MIA2: variants seen among roughly 807,000 people sequenced by gnomAD.
MIA2 encodes MIA SH3 domain ER export factor 2, also known as melanoma inhibitory activity protein 2.
MIA2 carries 127 observed loss-of-function variants against 167.8 expected under a neutral mutation model. The ratio of observed to expected loss-of-function variants is 0.76; its 90% CI spans 0.66 to 0.88. MIA2 has a LOEUF of 0.88. Ranked by LOEUF, MIA2 falls within the 40% of genes least tolerant of loss-of-function variation. The pLI is 0.00. For synonymous variants in MIA2, 552 were observed against 541.9 expected (o/e 1.02, Z -0.26); for missense variants, 1,690 against 1,624.7 (o/e 1.04, Z -0.69).
intron 23 of MIA2, among the ~76,000 whole-genome samples, chr14:39,377,102 G>A (rs2075059742): frequency 1.3e-5 from 2 of 152,032 alleles, no homozygotes; most frequent in African/African-American, 4.8e-5. Context: ...TGACTCTCTG[G>A]TCTTGGGTTT....
chr14:39,375,512 A>G (rs1447324860), intron 23 of MIA2, among the ~76,000 whole-genome samples: 1 of 152,196 alleles, frequency 6.6e-6, no homozygotes, highest in Non-Finnish European at 1.5e-5. Context: ...CCTGGCCAAC[A>G]TGGCGAAACC....
At position 39,318,031 on chromosome 14, in the gene MIA2, C is replaced by T; in HGVS notation, c.3284+20C>T. The T allele has an allele frequency of 6.6e-7, 1 of 1,515,322 alleles. No individual in the cohort carries two copies. The highest frequency in any genetic ancestry group is 8.9e-7 in the Non-Finnish European group (1 of 1,118,256). The allele number at this position is 1,515,322 out of a possible 1,614,324, so 93.9% of individuals were successfully genotyped here. ...ACAAAAGTAAGTATCTTAGTGGGAA[C>T]ATTTAAAATTAGTTATTCTGTTATT... is the stretch of plus-strand genomic sequence containing the variant. On this transcript the variant is annotated intron_variant, in intron 22 of 28. Transcript: ENST00000640607.
chr14:39,246,815 T>C, intron 3 of MIA2, 96 bp from the exon 4 acceptor site: 1 of 674,482 alleles, frequency 1.5e-6, no homozygotes, highest in South Asian at 2.5e-5. Flanking sequence ...GTCATGTGTC[T>C]TGGGAATATC....
Position 39,294,045 on chromosome 14 carries a change from A to G in MIA2, c.2365A>G (p.Lys789Glu), listed in dbSNP as rs770317097. The change falls in exon 12 of 29, where the codon AAA becomes GAA. Residue 789 changes from lysine (K) to glutamate (E), a missense_variant. Transcript: ENST00000640607. ...GATACAGTCTCTAGAAGATGAGTCA[A>G]AATCCCTCAAATCACAAGTAGCTGA... ...KRIQSLEDES[K>E]SLKSQVAEAK... 31 of 1,611,676 alleles carry G rather than the reference A, an allele frequency of 1.9e-5. No homozygotes were observed. The highest frequency in any genetic ancestry group is 2.5e-5 in the Non-Finnish European group (30 of 1,178,748).
chr14:39,338,910 AAGTG>A (rs1051867813), intron 25 of MIA2, among the ~76,000 whole-genome samples: 8 of 152,194 alleles, frequency 5.3e-5, no homozygotes, highest in African/African-American at 1.9e-4. Flanking sequence ...TTAGAAATGA[AAGTG>A]AGGTATCATA....
chr14:39,347,624 G>A lies in MIA2; in HGVS notation c.3779-89G>A, dbSNP rs986732103. ...GCTGGCTTATGTGCCAACAAGGGGAGTGGGAAAATACCAATTTTGTGATCT... is the reference window on the plus strand; with the variant it reads ...GCTGGCTTATGTGCCAACAAGGGGAATGGGAAAATACCAATTTTGTGATCT... On this transcript the variant is annotated intron_variant, in intron 26 of 28. Transcript: ENST00000640607. 3 of 1,353,864 alleles carry A rather than the reference G, an allele frequency of 2.2e-6. No homozygotes were observed. In the African/African-American group the frequency reaches 4.4e-5, roughly 20 times the overall value. The allele number at this position is 1,353,864 out of a possible 1,614,324, so 83.9% of individuals were successfully genotyped here.
At chr14:39,364,904 T>C (rs1359354156) in intron 23 of MIA2, among the ~76,000 whole-genome samples, 5 of 152,106 alleles carry the variant, frequency 3.3e-5, no homozygotes. Flanking sequence ...CTTTAAACAG[T>C]TTGACTATAA....
At chr14:39,267,885 G>A (rs905604405) in intron 6 of MIA2, among the ~76,000 whole-genome samples, 1 of 152,118 alleles carries the variant, frequency 6.6e-6, no homozygotes, top group Admixed American at 6.5e-5. Context: ...CTTGAGGACT[G>A]TTCCTTTAAA....
chr14:39,372,238 C>G (rs911069259), intron 23 of MIA2, among the ~76,000 whole-genome samples: 2 of 151,942 alleles, frequency 1.3e-5, no homozygotes, highest in Non-Finnish European at 2.9e-5. Context: ...TCCTAGAAAG[C>G]CAAGTGTGTG....
At chr14:39,328,041 C>G (rs914939592) in intron 25 of MIA2, among the ~76,000 whole-genome samples, 7 of 152,210 alleles carry the variant, frequency 4.6e-5, no homozygotes, top group Admixed American at 6.5e-5. Context: ...TGAGGAATCG[C>G]CACACTGTCT....
intron 21 of MIA2, among the ~76,000 whole-genome samples, chr14:39,317,506 A>G (rs2065694548): frequency 6.6e-6 from 1 of 152,144 alleles, no homozygotes; most frequent in Non-Finnish European, 1.5e-5. Context: ...GTTTGACCCC[A>G]GGGTGGATGG....
At chr14:39,245,671 T>G (rs1248896846) in intron 3 of MIA2, among the ~76,000 whole-genome samples, 1 of 151,606 alleles carries the variant, frequency 6.6e-6, no homozygotes, top group Non-Finnish European at 1.5e-5. Context: ...ATGCAACATC[T>G]CATACTGGAA....
chr14:39,371,610 T>A (rs2074948511), intron 23 of MIA2, among the ~76,000 whole-genome samples: 1 of 152,206 alleles, frequency 6.6e-6, no homozygotes, highest in African/African-American at 2.4e-5. Flanking sequence ...GATGATGGGT[T>A]TTTTGTGTAA....
chr14:39,381,749 G>C (rs1288627567), intron 23 of MIA2, among the ~76,000 whole-genome samples: 5 of 149,108 alleles, frequency 3.4e-5, no homozygotes, highest in African/African-American at 1.0e-4. Context: ...AATTTGGAAT[G>C]TTCCTTTGCA....
chr14:39,332,172 C>T (rs2069059002), intron 25 of MIA2, among the ~76,000 whole-genome samples: 3 of 152,088 alleles, frequency 2.0e-5, no homozygotes, highest in Non-Finnish European at 2.9e-5. Context: ...CTTGTCTTCA[C>T]GCTTTATTTT....
At position 39,246,921 on chromosome 14, in the gene MIA2, T is replaced by G; in HGVS notation, c.347T>G (p.Phe116Cys). 2 of 1,507,900 alleles carry G rather than the reference T, an allele frequency of 1.3e-6. No homozygotes were observed. Among genetic ancestry groups the G allele is most frequent in the Non-Finnish European group, 1.8e-6 (2 of 1,131,264 alleles). 93.4% of individuals were successfully genotyped at this position (1,507,900 alleles called of 1,614,324 possible). A position where few individuals can be genotyped will look rare whatever the true frequency, so the allele number is the denominator to read the frequency against. The change falls in exon 4 of 29, where the codon TTT becomes TGT. Residue 116 changes from phenylalanine (F) to cysteine (C), a missense_variant. Phe to Cys is a radical substitution (Grantham distance 205). Coordinates refer to ENST00000640607, the MANE Select transcript of MIA2 (RefSeq NM_001329214.4). ...ATTTTTTCCTTTTAGGAATCTGACT[T>G]TCTTTGTCTTCTTGGAGTAAGTTAC... ...EIQMSTKESD[F>C]LCLLGVSYTF... is the part of the protein sequence containing the mutation.
chr14:39,372,386 CTATGAGT>C (rs1347103301), intron 23 of MIA2, among the ~76,000 whole-genome samples: 1 of 152,040 alleles, frequency 6.6e-6, no homozygotes, highest in Non-Finnish European at 1.5e-5. Flanking sequence ...CATCAAAGAT[CTATGAGT>C]TATAAGTGAG....
Position 39,311,466 on chromosome 14 carries a change from C to T in MIA2, c.3018-1874C>T, listed in dbSNP as rs10135109. ...TAGGACCTAGAAGCTTGATGTGTTG[C>T]TTTTTTTTTTTTTTTTTTTTTTTTT... is the stretch of plus-strand genomic sequence containing the variant. On this transcript the variant is annotated intron_variant, in intron 18 of 28. Transcript: ENST00000640607. Among the ~76,000 whole-genome samples, 69 of 43,288 alleles carry T rather than the reference C, an allele frequency of 1.6e-3. 3 individuals are homozygous for T. Among genetic ancestry groups the T allele is most frequent in the Admixed American group, 2.0e-3 (6 of 2,960 alleles). 28.4% of individuals were successfully genotyped at this position (43,288 alleles called of 152,430 possible).
At chr14:39,240,491 A>G (rs1352463809) in intron 2 of MIA2, 70 bp from the exon 3 acceptor site, 2 of 1,235,178 alleles carry the variant, frequency 1.6e-6, no homozygotes, top group African/African-American at 3.0e-5. Flanking sequence ...ACATGGGACA[A>G]AATTAGGTTC....
Sources: allele counts gnomAD v4.1 joint callset (sites outside exome capture counted in the v4.1 genomes callset), GRCh38; gene constraint gnomAD v4.1.1; transcripts MANE v1.5; gene names NCBI Gene and HGNC (gene_info 2026-07-23, HGNC 2026-07-21).